ATXN7L1: variants seen among roughly 807,000 people sequenced by gnomAD.
ATXN7L1 encodes the protein ataxin-7-like protein 1.
Under a neutral mutation model 70.8 loss-of-function variants are expected in ATXN7L1, and 15 were observed. The ratio of observed to expected loss-of-function variants is 0.21; its 90% CI spans 0.14 to 0.33. ATXN7L1 has a LOEUF of 0.33. ATXN7L1 is among the 10% of genes least tolerant of loss of function. ATXN7L1 has a pLI of 1.00. For synonymous variants in ATXN7L1, 440 were observed against 445.1 expected (o/e 0.99, Z 0.14); for missense variants, 975 against 1,097.1 (o/e 0.89, Z 1.57).
intron 7 of ATXN7L1, among the ~76,000 whole-genome samples, chr7:105,624,800 C>T (rs1795464478): frequency 1.3e-5 from 2 of 152,170 alleles, no homozygotes; most frequent in Non-Finnish European, 2.9e-5. Context: ...GGTTCTGCCC[C>T]ACTTGTTGTC....
chr7:105,776,219 G>C (rs1173179184), intron 3 of ATXN7L1, among the ~76,000 whole-genome samples: 2 of 152,186 alleles, frequency 1.3e-5, no homozygotes, highest in Non-Finnish European at 2.9e-5. Context: ...AGAAGCCAGG[G>C]GTCACGTTAC....
At chr7:105,662,022 CTTTCTTT>C (rs745924951) in intron 4 of ATXN7L1, among the ~76,000 whole-genome samples, 2 of 72,566 alleles carry the variant, frequency 2.8e-5, no homozygotes, top group African/African-American at 6.1e-5. Context: ...TTCTTTCTTT[CTTTCTTT>C]CCTTCCTTCC....
intron 2 of ATXN7L1, among the ~76,000 whole-genome samples, chr7:105,836,818 T>C (rs1812451293): frequency 6.6e-6 from 1 of 152,154 alleles, no homozygotes; most frequent in African/African-American, 2.4e-5. Context: ...CCCAGCACTT[T>C]TGGGAGGCTG....
chr7:105,670,713 C>T, intron 3 of ATXN7L1, among the ~76,000 whole-genome samples: 1 of 151,950 alleles, frequency 6.6e-6, no homozygotes, highest in Non-Finnish European at 1.5e-5. Context: ...TCTGTAATCC[C>T]AGCACTTTGG....
chr7:105,875,477 G>C (rs1475644879), intron 2 of ATXN7L1, among the ~76,000 whole-genome samples: 1 of 152,016 alleles, frequency 6.6e-6, no homozygotes, highest in Non-Finnish European at 1.5e-5. Flanking sequence ...CTTGTGAAGG[G>C]AACTCCACTC....
At position 105,704,370 on chromosome 7, in the gene ATXN7L1, G is replaced by A. The variant is rs1048315915; in HGVS notation, c.356-39082C>T. The stretch of plus-strand genomic sequence containing the variant: ...ATCTGGCTTATTAACTGTAATCTGT[G>A]ATTGTTCTTTATTCTGCTAATGAGA... On this transcript the variant is annotated intron_variant, in intron 3 of 11. Transcript: ENST00000419735. 2.0e-5 allele frequency among the ~76,000 whole-genome samples: 3 copies of A among 152,126 alleles called. No homozygotes were observed. The East Asian group carries it at 5.8e-4, about 29-fold the overall frequency.
rs370511361 is a variant in ATXN7L1 at position 105,756,866 on chromosome 7, G to A, written c.355+31738C>T. ...CTAAATTATATGCTCCAGAGCTACG[G>A]CACCTACATGATGGACAAAATAAAT... is the stretch of plus-strand genomic sequence containing the variant. On this transcript the variant is annotated intron_variant, in intron 3 of 11. Transcript: ENST00000419735. Among the ~76,000 whole-genome samples the A allele has an allele frequency of 2.0e-5, 3 of 152,150 alleles. No homozygotes were observed. The East Asian group carries it at 5.8e-4, about 29-fold the overall frequency.
At chr7:105,625,257 A>G (rs535621354) in intron 7 of ATXN7L1, among the ~76,000 whole-genome samples, 28 of 152,182 alleles carry the variant, frequency 1.8e-4, no homozygotes, top group African/African-American at 6.3e-4. Flanking sequence ...TTATTTATTT[A>G]TTTGTTTGTT....
chr7:105,860,897 T>C (rs573785560), intron 2 of ATXN7L1, among the ~76,000 whole-genome samples: 1 of 152,302 alleles, frequency 6.6e-6, no homozygotes. Flanking sequence ...GCAGCTATGA[T>C]GACAAGACAC....
At chr7:105,656,309 TG>T (rs111823600) in intron 4 of ATXN7L1, among the ~76,000 whole-genome samples, 17 of 152,348 alleles carry the variant, frequency 1.1e-4, no homozygotes, top group African/African-American at 4.1e-4. Context: ...GATTCTTATG[TG>T]GGGACCGAGT....
intron 2 of ATXN7L1, chr7:105,819,788 A>T: frequency 3.0e-6 from 2 of 670,164 alleles, no homozygotes; most frequent in Non-Finnish European, 5.6e-6. Context: ...GCCGCCCTGG[A>T]GCGCCTCAAG....
intron 8 of ATXN7L1, among the ~76,000 whole-genome samples, chr7:105,620,876 C>T (rs1166970115): frequency 7.2e-6 from 1 of 139,386 alleles, no homozygotes; most frequent in Non-Finnish European, 1.5e-5. Context: ...GCCTGGGTGA[C>T]AGGCTGAGAC....
Position 105,681,652 on chromosome 7 carries a change from G to GT in ATXN7L1, c.356-16365dup, listed in dbSNP as rs531866688. Reference sequence around the variant, plus strand: ...TAGTCAAAAGGTGGAAGCAACCCAAGTGTCTATCAATGAATGAATAGAGAA... The same window carrying GT: ...TAGTCAAAAGGTGGAAGCAACCCAAGTTGTCTATCAATGAATGAATAGAGAA... On this transcript the variant is annotated intron_variant, in intron 3 of 11. Coordinates refer to ENST00000419735, the MANE Select transcript of ATXN7L1 (RefSeq NM_020725.2). Among the ~76,000 whole-genome samples the GT allele has an allele frequency of 5.3e-4, 80 of 152,290 alleles. No individual in the cohort carries two copies. In the East Asian group the frequency reaches 9.7e-3, roughly 18 times the overall value.
intron 2 of ATXN7L1, among the ~76,000 whole-genome samples, chr7:105,872,056 G>A (rs1585204359): frequency 1.3e-5 from 2 of 151,322 alleles, no homozygotes; most frequent in African/African-American, 2.4e-5. Context: ...GCAGTGGTGC[G>A]ATCTTGGCTC....
chr7:105,834,334 G>T, intron 2 of ATXN7L1, among the ~76,000 whole-genome samples: 3 of 152,320 alleles, frequency 2.0e-5, no homozygotes, highest in East Asian at 3.9e-4. Context: ...GAGCCACCAC[G>T]CCTGGCCTCA....
chr7:105,635,926 G>A (rs145436505), intron 7 of ATXN7L1, among the ~76,000 whole-genome samples: 387 of 151,532 alleles, frequency 2.6e-3, no homozygotes, highest in African/African-American at 7.7e-3. Flanking sequence ...GTAAAGCAAC[G>A]TTTTTGTAAG....
intron 3 of ATXN7L1, among the ~76,000 whole-genome samples, chr7:105,720,588 T>G (rs1382310595): frequency 6.6e-6 from 1 of 151,710 alleles, no homozygotes; most frequent in African/African-American, 2.4e-5. Flanking sequence ...CTGGCTAATT[T>G]TTAAAAAAAT....
intron 2 of ATXN7L1, among the ~76,000 whole-genome samples, chr7:105,858,145 C>T (rs1339828191): frequency 1.3e-5 from 2 of 152,058 alleles, no homozygotes; most frequent in Non-Finnish European, 2.9e-5. Flanking sequence ...GTGGGAGCAT[C>T]GCTTGAATCA....
At chr7:105,798,342 T>C (rs964688300) in intron 2 of ATXN7L1, among the ~76,000 whole-genome samples, 1 of 152,328 alleles carries the variant, frequency 6.6e-6, no homozygotes, top group East Asian at 1.9e-4. Flanking sequence ...CATTTTCTAC[T>C]TCCTGACTTT....
Sources: gnomAD v4.1 joint callset for allele counts (sites outside exome capture counted in the v4.1 genomes callset) on GRCh38, gnomAD v4.1.1 for gene constraint, MANE v1.5 for transcripts, NCBI Gene and HGNC (gene_info 2026-07-23, HGNC 2026-07-21) for gene names.